Variants in DLGAP2 observed in about 807,000 individuals in gnomAD.
DLGAP2 encodes the protein disks large-associated protein 2.
DLGAP2 carries 26 observed loss-of-function variants against 100.3 expected under a neutral mutation model. The ratio of observed to expected loss-of-function variants is 0.26; its 90% CI spans 0.19 to 0.36. The LOEUF (loss-of-function observed/expected upper bound fraction) is 0.36, where lower values mean the gene tolerates loss of function less well. Ranked by LOEUF, DLGAP2 falls within the 10% of genes least tolerant of loss-of-function variation. The probability of loss-of-function intolerance (pLI) is 1.00; values close to 1 mark genes in which losing one functional copy is unlikely to be tolerated. For synonymous variants in DLGAP2, 886 were observed against 630.1 expected, an observed-to-expected ratio of 1.41 and a Z score of -6.08; for missense variants, 1,858 against 1,453.2, an observed-to-expected ratio of 1.28 and a Z score of -4.53.
At chr8:1,423,461 C>A (rs1461022937) in intron 3 of DLGAP2, among the ~76,000 whole-genome samples, 1 of 152,234 alleles carries the variant, frequency 6.6e-6, no homozygotes, top group African/African-American at 2.4e-5. Flanking sequence ...GACCACTGCC[C>A]TGCCATCTCC....
intron 2 of DLGAP2, among the ~76,000 whole-genome samples, chr8:1,201,660 G>A (rs999708046): frequency 6.6e-6 from 1 of 152,212 alleles, no homozygotes; most frequent in Non-Finnish European, 1.5e-5. Flanking sequence ...TTCAGTGCCT[G>A]TTTGTCAGAT....
At chr8:908,016 G>T in intron 2 of DLGAP2, 50 bp downstream of exon 2, 1 of 398,778 alleles carries the variant, frequency 2.5e-6, no homozygotes, top group South Asian at 1.3e-4. Flanking sequence ...TCGTATCAGT[G>T]GCAAAAGTGA....
chr8:986,699 G>C (rs1236733979), intron 2 of DLGAP2, among the ~76,000 whole-genome samples: 3 of 143,426 alleles, frequency 2.1e-5, no homozygotes, highest in African/African-American at 7.9e-5. Flanking sequence ...TCACTCTGTT[G>C]CCTAGGCTGG....
chr8:946,072 C>T (rs954083498), intron 2 of DLGAP2, among the ~76,000 whole-genome samples: 2 of 106,862 alleles, frequency 1.9e-5, no homozygotes, highest in African/African-American at 5.8e-5. Flanking sequence ...GCTGCAGCCT[C>T]CTGTGCTCAG....
At chr8:848,906 TCCA>T (rs1309930953) in intron 1 of DLGAP2, among the ~76,000 whole-genome samples, 2 of 150,424 alleles carry the variant, frequency 1.3e-5, no homozygotes, top group Non-Finnish European at 3.0e-5. Flanking sequence ...CGGTGCCTGT[TCCA>T]GCATAGGAAC....
intron 6 of DLGAP2, among the ~76,000 whole-genome samples, chr8:1,588,718 A>G (rs553129436): frequency 2.3e-4 from 33 of 144,074 alleles, no homozygotes; most frequent in Middle Eastern, 7.1e-3. Context: ...TCTGGCCAAC[A>G]TGGTGAAAGC....
At chr8:1,646,520 A>AT (rs1798044556) in intron 8 of DLGAP2, among the ~76,000 whole-genome samples, 1 of 152,126 alleles carries the variant, frequency 6.6e-6, no homozygotes, top group Non-Finnish European at 1.5e-5. Flanking sequence ...CTTAAAGGGT[A>AT]TTTTTTCAGG....
chr8:1,195,267 C>T (rs1797727484), intron 2 of DLGAP2, among the ~76,000 whole-genome samples: 1 of 152,236 alleles, frequency 6.6e-6, no homozygotes, highest in African/African-American at 2.4e-5. Flanking sequence ...TCCCGCTGGC[C>T]AAGCACCCAG....
intron 6 of DLGAP2, among the ~76,000 whole-genome samples, chr8:1,601,945 G>GTGTGTGT (rs1554506576): frequency 6.8e-6 from 1 of 146,348 alleles, no homozygotes; most frequent in Non-Finnish European, 1.5e-5. Flanking sequence ...AATTTAACAG[G>GTGTGTGT]GTGTGTGTGT....
At chr8:1,307,428 A>T (rs1800515721) in intron 3 of DLGAP2, among the ~76,000 whole-genome samples, 1 of 152,234 alleles carries the variant, frequency 6.6e-6, no homozygotes, top group South Asian at 2.1e-4. Flanking sequence ...GTGAGAATAT[A>T]GAAAGATGTT....
chr8:1,476,694 C>G lies in DLGAP2; in HGVS notation c.107-24672C>G, dbSNP rs1342724087. Among the ~76,000 whole-genome samples the G allele has an allele frequency of 4.6e-5, 7 of 151,886 alleles. No homozygotes were observed. The South Asian group carries it at 1.5e-3, about 32-fold the overall frequency. Reference sequence around the variant, plus strand: ...CCAACCCACCAGCCCGTTATGCAGACCCACCCTTGATGGCTGAGTGCTGTC... The same window carrying G: ...CCAACCCACCAGCCCGTTATGCAGAGCCACCCTTGATGGCTGAGTGCTGTC... On this transcript the variant is annotated intron_variant, in intron 3 of 14. Transcript: ENST00000637795.
chr8:1,261,770 T>A (rs565779807), intron 3 of DLGAP2, among the ~76,000 whole-genome samples: 20 of 152,368 alleles, frequency 1.3e-4, no homozygotes, highest in African/African-American at 4.1e-4. Context: ...ATTTTTAAAA[T>A]CATTTAAGTA....
chr8:1,388,810 AGGCCGTG>A, intron 3 of DLGAP2, among the ~76,000 whole-genome samples: 1 of 112,522 alleles, frequency 8.9e-6, no homozygotes, highest in Non-Finnish European at 1.8e-5. Context: ...TGAGAGGCAG[AGGCCGTG>A]GATGAGGAGG....
intron 1 of DLGAP2, among the ~76,000 whole-genome samples, chr8:771,842 C>G (rs577455468): frequency 6.6e-6 from 1 of 152,200 alleles, no homozygotes. Context: ...CAGTGTGGAG[C>G]GTGTCCTTCT....
chr8:907,766 C>G (rs994850641), intron 1 of DLGAP2, 146 bp from the exon 2 acceptor site: 3 of 390,384 alleles, frequency 7.7e-6, no homozygotes, highest in Middle Eastern at 6.5e-4. Context: ...TTTTCTGTAC[C>G]GTTTAATTTG....
At chr8:895,384 C>T (rs1407960452) in intron 1 of DLGAP2, among the ~76,000 whole-genome samples, 1 of 152,150 alleles carries the variant, frequency 6.6e-6, no homozygotes, top group Non-Finnish European at 1.5e-5. Context: ...TCTGCAGCAT[C>T]CCCCGTGCTG....
In DLGAP2 at chr8:890,286, T is replaced by C. The variant is rs1584866200; in HGVS notation, c.19-17626T>C. Among the ~76,000 whole-genome samples the C allele has an allele frequency of 2.0e-5, 3 of 152,294 alleles. No homozygotes were observed. The South Asian group carries it at 6.2e-4, about 32-fold the overall frequency. On this transcript the variant is annotated intron_variant, in intron 1 of 14. Coordinates refer to ENST00000637795, the MANE Select transcript of DLGAP2 (RefSeq NM_001346810.2). ...GATGAGCCATGCACGTGCACGCGCA[T>C]GGCAGAGCGTGGTTTGCTGCAGGAC...
chr8:889,820 GCAGATT>G (rs1797997653), intron 1 of DLGAP2, among the ~76,000 whole-genome samples: 1 of 152,252 alleles, frequency 6.6e-6, no homozygotes, highest in African/African-American at 2.4e-5. Context: ...GTAGGCTTAA[GCAGATT>G]CCATCAGAGA....
chr8:1,573,367 G>T (rs1802826250), intron 6 of DLGAP2, among the ~76,000 whole-genome samples: 1 of 137,942 alleles, frequency 7.2e-6, no homozygotes, highest in Non-Finnish European at 1.6e-5. Flanking sequence ...AACTGTGGGG[G>T]CGTCTGATGA....
Sources: allele counts gnomAD v4.1 joint callset (sites outside exome capture counted in the v4.1 genomes callset), GRCh38; gene constraint gnomAD v4.1.1; transcripts MANE v1.5; gene names NCBI Gene and HGNC (gene_info 2026-07-23, HGNC 2026-07-21).